Variants in KCTD16 observed in about 807,000 individuals in gnomAD.
The protein encoded by KCTD16 is BTB/POZ domain-containing protein KCTD16.
In KCTD16, 13 loss-of-function variants were observed where a neutral mutation model predicts 33.2. The observed-to-expected ratio is 0.39, with a 90% confidence interval of 0.25 to 0.62. The LOEUF is 0.62. Ranked by LOEUF, KCTD16 falls within the 20% of genes least tolerant of loss-of-function variation. KCTD16 has a pLI of 0.50. For missense variants in KCTD16, 441 were observed against 525.1 expected (o/e 0.84, Z 1.57); for synonymous variants, 197 against 195.3 (o/e 1.01, Z -0.07).
intron 3 of KCTD16, among the ~76,000 whole-genome samples, chr5:144,342,422 T>G (rs1459033092): frequency 6.6e-6 from 1 of 152,214 alleles, no homozygotes; most frequent in Non-Finnish European, 1.5e-5. Flanking sequence ...TGTACATTGA[T>G]TTTGTATCCT....
chr5:144,330,718 G>T (rs1183886850), intron 3 of KCTD16, among the ~76,000 whole-genome samples: 1 of 152,078 alleles, frequency 6.6e-6, no homozygotes, highest in Non-Finnish European at 1.5e-5. Flanking sequence ...TATGGTATAG[G>T]TTATCTTATT....
chr5:144,442,860 G>GTATAGGGA (rs1554095118), intron 3 of KCTD16, among the ~76,000 whole-genome samples: 1 of 151,888 alleles, frequency 6.6e-6, no homozygotes, highest in African/African-American at 2.4e-5. Flanking sequence ...TCTATACTAG[G>GTATAGGGA]TACTAGGGAT....
intron 3 of KCTD16, among the ~76,000 whole-genome samples, chr5:144,435,833 G>T (rs1378410266): frequency 6.7e-6 from 1 of 149,080 alleles, no homozygotes; most frequent in Non-Finnish European, 1.5e-5. Flanking sequence ...CTGTGTGTGT[G>T]TGTGTGTGTA....
chr5:144,367,043 G>A (rs1287490000), intron 3 of KCTD16, among the ~76,000 whole-genome samples: 4 of 152,122 alleles, frequency 2.6e-5, no homozygotes, highest in African/African-American at 9.7e-5. Context: ...CTAAGAGGAG[G>A]GCTATTAGCC....
intron 3 of KCTD16, among the ~76,000 whole-genome samples, chr5:144,250,297 C>G (rs933244195): frequency 6.6e-6 from 1 of 152,138 alleles, no homozygotes; most frequent in African/African-American, 2.4e-5. Flanking sequence ...GGGGACCCAC[C>G]ACACTCTAGC....
chr5:144,266,049 A>G (rs1259653662), intron 3 of KCTD16, among the ~76,000 whole-genome samples: 1 of 148,682 alleles, frequency 6.7e-6, no homozygotes, highest in African/African-American at 2.4e-5. Flanking sequence ...CATTGAATCC[A>G]GATGTGTTTC....
At chr5:144,225,615 C>G (rs1753909057) in intron 3 of KCTD16, among the ~76,000 whole-genome samples, 1 of 146,450 alleles carries the variant, frequency 6.8e-6, no homozygotes, top group South Asian at 2.1e-4. Context: ...ACTAAGAAGT[C>G]ATGTTAGAGT....
intron 3 of KCTD16, among the ~76,000 whole-genome samples, chr5:144,227,906 G>A (rs1753983684): frequency 6.6e-6 from 1 of 152,188 alleles, no homozygotes; most frequent in Non-Finnish European, 1.5e-5. Flanking sequence ...GAAGAATGGA[G>A]TTACTGCTAA....
chr5:144,340,573 G>A (rs1271693376), intron 3 of KCTD16, among the ~76,000 whole-genome samples: 1 of 152,074 alleles, frequency 6.6e-6, no homozygotes, highest in African/African-American at 2.4e-5. Flanking sequence ...ATATGTTGAA[G>A]TCTTAACCCC....
chr5:144,374,792 A>C (rs1752048279), intron 3 of KCTD16, among the ~76,000 whole-genome samples: 1 of 151,972 alleles, frequency 6.6e-6, no homozygotes, highest in South Asian at 2.1e-4. Context: ...AACATGCATG[A>C]TATGCCTGTA....
chr5:144,400,080 A>C (rs1305855492), intron 3 of KCTD16, among the ~76,000 whole-genome samples: 1 of 152,174 alleles, frequency 6.6e-6, no homozygotes. Flanking sequence ...GCATGATACA[A>C]ATTAATCCTA....
chr5:144,459,700 A>G (rs923799870), intron 3 of KCTD16, among the ~76,000 whole-genome samples: 1 of 152,040 alleles, frequency 6.6e-6, no homozygotes, highest in Admixed American at 6.6e-5. Flanking sequence ...AAAAAACTTA[A>G]ATTAAATCAT....
At chr5:144,454,683 A>G (rs951331181) in intron 3 of KCTD16, among the ~76,000 whole-genome samples, 4 of 152,186 alleles carry the variant, frequency 2.6e-5, no homozygotes, top group African/African-American at 9.6e-5. Context: ...GAAACGCTTC[A>G]TCCTATTATC....
chr5:144,278,095 T>A (rs1048868573), intron 3 of KCTD16, among the ~76,000 whole-genome samples: 1 of 152,172 alleles, frequency 6.6e-6, no homozygotes, highest in Admixed American at 6.5e-5. Context: ...GAACTCTTTG[T>A]CTAACACAAG....
chr5:144,429,170 C>A (rs2126967903), intron 3 of KCTD16, among the ~76,000 whole-genome samples: 1 of 152,158 alleles, frequency 6.6e-6, no homozygotes, highest in Non-Finnish European at 1.5e-5. Flanking sequence ...GAAGAAAAAT[C>A]CCTCAGTAAA....
intron 3 of KCTD16, among the ~76,000 whole-genome samples, chr5:144,438,915 C>T (rs1753638732): frequency 6.6e-6 from 1 of 152,132 alleles, no homozygotes. Context: ...ACCTCTTCCT[C>T]ACTCTCCTTA....
chr5:144,173,704 C>T (rs1047051303), intron 1 of KCTD16, among the ~76,000 whole-genome samples: 2 of 152,086 alleles, frequency 1.3e-5, no homozygotes, highest in East Asian at 1.9e-4. Context: ...AAGCAATTAA[C>T]GTATTTATTT....
rs557548283 is a variant in KCTD16 at position 144,481,639 on chromosome 5, C to G, written c.*7525C>G. The G allele has an allele frequency of 6.6e-6, 1 of 151,686 alleles. No individual in the cohort carries two copies. Among genetic ancestry groups the G allele is most frequent in the East Asian group, 1.9e-4 (1 of 5,156 alleles). The allele number at this position is 151,686 out of a possible 1,614,324, so 9.4% of individuals were successfully genotyped here. A position where few individuals can be genotyped will look rare whatever the true frequency, so the allele number is the denominator to read the frequency against. Reference sequence around the variant, plus strand: ...ATTTTATACAAGGGAAACTAAGGACCCAGAAAGTTTAAATCGGTCATTTAT... The same window carrying G: ...ATTTTATACAAGGGAAACTAAGGACGCAGAAAGTTTAAATCGGTCATTTAT... On this transcript the variant is annotated 3_prime_UTR_variant, in exon 4 of 4. Coordinates refer to ENST00000512467, the MANE Select transcript of KCTD16 (RefSeq NM_020768.4).
intron 3 of KCTD16, among the ~76,000 whole-genome samples, chr5:144,420,512 ATGTGTG>A (rs145586447): frequency 2.0e-5 from 3 of 149,728 alleles, no homozygotes; most frequent in Non-Finnish European, 4.5e-5. Flanking sequence ...ACTTATTTAA[ATGTGTG>A]TGTGTGTGTG....
Sources: gnomAD v4.1 joint callset for allele counts (sites outside exome capture counted in the v4.1 genomes callset) on GRCh38, gnomAD v4.1.1 for gene constraint, MANE v1.5 for transcripts, NCBI Gene and HGNC (gene_info 2026-07-23, HGNC 2026-07-21) for gene names.